FASN: variants seen among roughly 807,000 people sequenced by gnomAD.
The protein encoded by FASN is fatty acid synthase, also known as 3-hydroxyacyl-[acyl-carrier-protein] dehydratase.
FASN carries 50 observed loss-of-function variants against 250.0 expected under a neutral mutation model. The ratio of observed to expected loss-of-function variants is 0.20; its 90% CI spans 0.16 to 0.25. FASN has a LOEUF of 0.25. FASN is among the 10% of genes least tolerant of loss of function. The pLI is 1.00. For missense variants in FASN, 3,031 were observed against 3,498.5 expected, an observed-to-expected ratio of 0.87 and a Z score of 3.37; for synonymous variants, 1,909 against 1,584.0, an observed-to-expected ratio of 1.21 and a Z score of -4.87.
chr17:82,095,719 G>A (rs960907965), intron 2 of FASN, among the ~76,000 whole-genome samples: 8 of 152,226 alleles, frequency 5.3e-5, no homozygotes, highest in African/African-American at 1.7e-4. Flanking sequence ...GGGCCGCAGA[G>A]CAGAGAGCTC....
Position 82,084,842 on chromosome 17 carries a change from G to T in FASN, c.4521C>A (p.Arg1507=). 3.2e-6 allele frequency: 5 copies of T among 1,550,436 alleles called. No homozygotes were observed. Among genetic ancestry groups the T allele is most frequent in the Non-Finnish European group, 4.4e-6 (5 of 1,146,980 alleles). ...LQGDLVMNVY[R]DGAWGAFRHF... ...GGCGGAAAGCCCCCCAGGCCCCGTC[G>T]CGGTAGACGTTCATCACCAGGTCTC... Residue 1507 remains arginine, a synonymous_variant, in exon 26 of 43, where the codon CGC becomes CGA. Transcript: ENST00000306749.
chr17:82,085,417 G>A lies in FASN; in HGVS notation c.4123-15C>T. On this transcript the variant is annotated splice_polypyrimidine_tract_variant and intron_variant, in intron 23 of 42. Transcript: ENST00000306749. ...TCCCACGCGTCCTGTGGGGGCGGTG[G>A]TCAGCACCCTGCCCGCCTGGCCCTC... The A allele has an allele frequency of 6.2e-7, 1 of 1,607,198 alleles. No homozygotes were observed. Among genetic ancestry groups the A allele is most frequent in the Non-Finnish European group, 8.5e-7 (1 of 1,177,794 alleles).
chr17:82,084,151 G>A lies in FASN; in HGVS notation c.4922C>T (p.Thr1641Met), dbSNP rs758406607. ...DFLWDVPSNW[T>M]LEEAASVPVV... is the part of the protein sequence containing the mutation. ...AGGCACCGAGGCCGCCTCCTCCAGCGTCCTGGGGATGCAGCAGGTGGGTCA... is the reference window on the plus strand; with the variant it reads ...AGGCACCGAGGCCGCCTCCTCCAGCATCCTGGGGATGCAGCAGGTGGGTCA... The change falls in exon 29 of 43, where the codon ACG becomes ATG. Residue 1641 changes from threonine to methionine, a missense_variant and splice_region_variant. Coordinates refer to ENST00000306749, the MANE Select transcript of FASN (RefSeq NM_004104.5). The A allele has an allele frequency of 1.3e-5, 20 of 1,599,920 alleles. No individual in the cohort carries two copies. Among genetic ancestry groups the A allele is most frequent in the South Asian group, 1.0e-4 (9 of 89,038 alleles).
rs532062308 is a variant in FASN, at chr17:82,092,060, C to G, written c.1030-376G>C. Among the ~76,000 whole-genome samples, 110 of 152,324 alleles carry G rather than the reference C, an allele frequency of 7.2e-4. 4 individuals carry two copies. In the South Asian group the frequency reaches 0.022, roughly 31 times the overall value. On this transcript the variant is annotated intron_variant, in intron 8 of 42. Transcript: ENST00000306749. ...GTGTTGGGGCTCCTGTGCCTGGTCT[C>G]TCTAAAGGTCCCCAGGCCTCTGCTA...
In FASN at chr17:82,083,332, G is replaced by A. The variant is rs781407421; in HGVS notation, c.5435C>T (p.Ala1812Val). 29 of 1,612,504 alleles carry A rather than the reference G, an allele frequency of 1.8e-5. No individual in the cohort carries two copies. Among genetic ancestry groups the A allele is most frequent in the East Asian group, 2.2e-5 (1 of 44,880 alleles). Residue 1812 changes from alanine to valine, a missense_variant, in exon 32 of 43, where the codon GCG (alanine) becomes GTG (valine). By Grantham distance (64) the Ala-to-Val change is moderately conservative. Transcript: ENST00000306749. Reference protein sequence around the residue: ...ESSADWREVWALVQAGIRDGV... With the variant: ...ESSADWREVWVLVQAGIRDGV... Reference sequence around the variant, plus strand: ...ATCCCGGATGCCGGCCTGCACAAGCGCCCACACCTCCCGCCAGTCAGCACT... The same window carrying A: ...ATCCCGGATGCCGGCCTGCACAAGCACCCACACCTCCCGCCAGTCAGCACT...
In FASN at chr17:82,089,106, G is replaced by A. The variant is rs1453811038; in HGVS notation, c.2167C>T (p.His723Tyr). ...LSTSIPEAQWHSSLARTSSAE... is the reference protein window; with the variant it reads ...LSTSIPEAQWYSSLARTSSAE... ...GAGGACGTGCGTGCCAGGCTGCTGT[G>A]CCACTGGGCCTCGGGGATAGAGGTG... Residue 723 changes from histidine (H) to tyrosine (Y), a missense_variant, in exon 14 of 43, where the codon CAC becomes TAC. Transcript: ENST00000306749. The A allele has an allele frequency of 1.6e-5, 25 of 1,569,864 alleles. No individual in the cohort carries two copies. Among genetic ancestry groups the A allele is most frequent in the Non-Finnish European group, 2.1e-5 (24 of 1,158,156 alleles).
rs751481594 is a variant in FASN, at chr17:82,090,558, G to A, written c.1687C>T (p.Leu563Phe). 5 of 1,610,612 alleles carry A rather than the reference G, an allele frequency of 3.1e-6. No individual in the cohort carries two copies. Among genetic ancestry groups the A allele is most frequent in the Non-Finnish European group, 4.2e-6 (5 of 1,178,908 alleles). ...CCCATGCAGCTCAGCAGGTCTATGA[G>A]GCCTATCTGGGGTGGGAACAGGACA... ...FVSLTAIQIGLIDLLSCMGLR... is the reference protein window; with the variant it reads ...FVSLTAIQIGFIDLLSCMGLR... The change falls in exon 11 of 43, where the codon CTC becomes TTC. Residue 563 changes from leucine (L) to phenylalanine (F), a missense_variant. Coordinates refer to ENST00000306749, the MANE Select transcript of FASN (RefSeq NM_004104.5).
intron 10 of FASN, 82 bp from the exon 11 acceptor site, chr17:82,090,646 C>A: frequency 7.5e-7 from 1 of 1,328,090 alleles, no homozygotes; most frequent in Non-Finnish European, 1.1e-6. Context: ...ACTAGGCCAT[C>A]TCCACCCCCG....
chr17:82,082,363 C>T lies in FASN; in HGVS notation c.5971G>A (p.Val1991Ile), dbSNP rs747144170. The T allele has an allele frequency of 8.7e-6, 14 of 1,612,812 alleles. No homozygotes were observed. Among genetic ancestry groups the T allele is most frequent in the African/African-American group, 2.7e-5 (2 of 74,950 alleles). ...GTGCCGCTGTACTTGGGCTTGCAGA[C>T]GTCCTGGAAGAACTCTGGGGTCTGG... Reference protein sequence around the residue: ...ENQTPEFFQDVCKPKYSGTLN... With the variant: ...ENQTPEFFQDICKPKYSGTLN... The change falls in exon 35 of 43, where the codon GTC (valine) becomes ATC (isoleucine). Residue 1991 changes from valine to isoleucine, a missense_variant. Physicochemically the swap from Val to Ile is conservative, Grantham distance 29. Coordinates refer to ENST00000306749, the MANE Select transcript of FASN (RefSeq NM_004104.5).
chr17:82,089,434 A>T, intron 12 of FASN, 50 bp from the exon 13 acceptor site: 1 of 1,612,366 alleles, frequency 6.2e-7, no homozygotes, highest in Non-Finnish European at 8.5e-7. Context: ...CACCCACCTC[A>T]GGCTCGGAGA....
At position 82,085,584 on chromosome 17, in the gene FASN, G is replaced by A. The variant is rs1254946071; in HGVS notation, c.4020C>T (p.Gly1340=). The A allele has an allele frequency of 6.3e-6, 10 of 1,596,436 alleles. No individual in the cohort carries two copies. The highest frequency in any genetic ancestry group is 1.7e-5 in the Admixed American group (1 of 57,848). Residue 1340 remains glycine, a synonymous_variant, in exon 23 of 43, where the codon GGC becomes GGT. Coordinates refer to ENST00000306749, the MANE Select transcript of FASN (RefSeq NM_004104.5). The part of the protein sequence containing the change: ...SNMVAALREG[G]FLLLHTLLRG... ...GGAGCAGTGTGTGCAGGAGCAGAAA[G>A]CCCCCTTCTCTCAGGGCAGCCACCA...
chr17:82,090,605 G>A (rs1425885912), intron 10 of FASN, 41 bp from the exon 11 acceptor site: 2 of 1,575,754 alleles, frequency 1.3e-6, no homozygotes, highest in South Asian at 2.3e-5. Context: ...ACCTCCAGCA[G>A]GTGCAGCTGT....
rs996299372 is a variant in FASN, at chr17:82,081,054, T to C, written c.6595+110A>G. 5 of 1,422,996 alleles carry C rather than the reference T, an allele frequency of 3.5e-6. No individual in the cohort carries two copies. The African/African-American group carries it at 7.1e-5, about 20-fold the overall frequency. 88.1% of individuals were successfully genotyped at this position (1,422,996 alleles called of 1,614,324 possible). ...GGAGTCGGGGTGGGAACGCTCAGAA[T>C]GGCACCCGTGACGAAGGGCGGTATG... On this transcript the variant is annotated intron_variant, in intron 38 of 42. Coordinates refer to ENST00000306749, the MANE Select transcript of FASN (RefSeq NM_004104.5).
In FASN at chr17:82,079,012, TC is replaced by T; in HGVS notation, c.*130del. 3 of 1,087,796 alleles carry T rather than the reference TC, an allele frequency of 2.8e-6. No individual in the cohort carries two copies. Among genetic ancestry groups the T allele is most frequent in the Non-Finnish European group, 3.9e-6 (3 of 773,052 alleles). 67.4% of individuals were successfully genotyped at this position (1,087,796 alleles called of 1,614,324 possible). ...TGCCTAACACCTACATCTAGCAGCC[TC>T]GGGGGGCAGTGGCACTGGGCCGGAC... is the stretch of plus-strand genomic sequence containing the variant. On this transcript the variant is annotated 3_prime_UTR_variant, in exon 43 of 43. Transcript: ENST00000306749.
At chr17:82,094,034 C>T in intron 3 of FASN, 1 of 554,228 alleles carries the variant, frequency 1.8e-6, no homozygotes, top group Non-Finnish European at 3.3e-6. Context: ...GCGGAGGGGG[C>T]AGGCGGGCCC....
chr17:82,082,553 C>A lies in FASN; in HGVS notation c.5893G>T (p.Val1965Leu). Residue 1965 changes from valine to leucine, a missense_variant, in exon 34 of 43, where the codon GTG becomes TTG. Physicochemically the swap from Val to Leu is conservative, Grantham distance 32. Transcript: ENST00000306749. ...LIAEAAQLGP[V>L]GGVFNLAVVL... Reference sequence around the variant, plus strand: ...ACGGCCAGGTTGAAGACGCCGCCCACGGGCCCAAGCTGCGCCGCCTCGGCA... The same window carrying A: ...ACGGCCAGGTTGAAGACGCCGCCCAAGGGCCCAAGCTGCGCCGCCTCGGCA... 1 of 1,608,696 alleles carries A rather than the reference C, an allele frequency of 6.2e-7. No individual in the cohort carries two copies. The highest frequency in any genetic ancestry group is 2.2e-5 in the East Asian group (1 of 44,884).
chr17:82,087,336 T>C lies in FASN; in HGVS notation c.3212A>G (p.Asp1071Gly). The change falls in exon 20 of 43, where the codon GAC becomes GGC. Residue 1071 changes from aspartate (D) to glycine (G), a missense_variant. Transcript: ENST00000306749. ...THRQKLYTLQ[D>G]KAQVADVVVS... ...TGGGGCGGGGCTACCTTGGGCCTTG[T>C]CCTGCAGTGTGTACAGCTTCTGCCT... is the stretch of plus-strand genomic sequence containing the variant. 7.4e-6 allele frequency: 12 copies of C among 1,611,862 alleles called. No individual in the cohort carries two copies. Among genetic ancestry groups the C allele is most frequent in the South Asian group, 1.1e-5 (1 of 91,062 alleles).
chr17:82,094,863 C>T (rs1053673159), intron 3 of FASN, among the ~76,000 whole-genome samples: 4 of 144,364 alleles, frequency 2.8e-5, no homozygotes, highest in Middle Eastern at 7.2e-3. Flanking sequence ...CCAGTCAGAG[C>T]GAGGGCCAGG....
At chr17:82,082,295 G>A (rs771866703) in intron 35 of FASN, 28 bp downstream of exon 35, 28 of 1,610,712 alleles carry the variant, frequency 1.7e-5, no homozygotes, top group East Asian at 2.2e-5. Flanking sequence ...GCCCGGCAGA[G>A]GCGGGAGCAG....
Sources: allele counts gnomAD v4.1 joint callset (sites outside exome capture counted in the v4.1 genomes callset), GRCh38; gene constraint gnomAD v4.1.1; transcripts MANE v1.5; gene names NCBI Gene and HGNC (gene_info 2026-07-23, HGNC 2026-07-21).